The following OCA2 variants were observed in gnomAD, a reference collection of about 807,000 sequenced individuals.
The protein encoded by OCA2 is P protein.
A neutral mutation model predicts 100.2 loss-of-function variants in OCA2; 77 were observed. The ratio of observed to expected loss-of-function variants is 0.77; its 90% CI spans 0.64 to 0.93. OCA2 has a LOEUF of 0.93. Among genes scored for constraint, OCA2 ranks in the 40% least tolerant of loss-of-function variants. OCA2 has a pLI of 0.00. For missense variants in OCA2, 1,062 were observed against 1,089.1 expected (o/e 0.98, Z 0.35); for synonymous variants, 432 against 439.2 (o/e 0.98, Z 0.21).
chr15:27,722,792 C>CTCTCTCTCTCTCTT, the OCA2 span, among the ~76,000 whole-genome samples: 2 of 144,454 alleles, frequency 1.4e-5, no homozygotes, highest in African/African-American at 5.4e-5. Flanking sequence ...CTCTCTCTCT[C>CTCTCTCTCTCTCTT]TCTCTCTCTT....
At chr15:27,831,497 C>T (rs2034956793) in intron 23 of OCA2, among the ~76,000 whole-genome samples, 1 of 152,202 alleles carries the variant, frequency 6.6e-6, no homozygotes, top group South Asian at 2.1e-4. Flanking sequence ...TCAGCCCTCT[C>T]CTCCTGGGAG....
At chr15:27,949,329 C>T (rs993226946) in intron 18 of OCA2, among the ~76,000 whole-genome samples, 1 of 152,178 alleles carries the variant, frequency 6.6e-6, no homozygotes, top group South Asian at 2.1e-4. Flanking sequence ...TATGACATCA[C>T]ATTGAACGAG....
rs981566424 is a variant in OCA2, at chr15:27,755,192, C to T, written c.*196G>A. 5.2e-6 allele frequency: 3 copies of T among 582,460 alleles called. No homozygotes were observed. Among genetic ancestry groups the T allele is most frequent in the African/African-American group, 3.7e-5 (2 of 54,046 alleles). 36.1% of individuals were successfully genotyped at this position (582,460 alleles called of 1,614,324 possible). A position where few individuals can be genotyped will look rare whatever the true frequency, so the allele number is the denominator to read the frequency against. On this transcript the variant is annotated 3_prime_UTR_variant, in exon 24 of 24. Transcript: ENST00000354638. ...ATTTTGTCCTTGGGGAGAAAGGACACACAGAGGAGGTCATGGTGTTCCAAC... is the reference window on the plus strand; with the variant it reads ...ATTTTGTCCTTGGGGAGAAAGGACATACAGAGGAGGTCATGGTGTTCCAAC...
At chr15:27,756,324 T>A (rs565617835) in intron 23 of OCA2, among the ~76,000 whole-genome samples, 2 of 152,280 alleles carry the variant, frequency 1.3e-5, no homozygotes, top group South Asian at 4.1e-4. Context: ...AAGAGGCTAC[T>A]CAGAAAGAGC....
intron 19 of OCA2, among the ~76,000 whole-genome samples, chr15:27,880,593 C>G (rs1459883755): frequency 6.6e-6 from 1 of 152,102 alleles, no homozygotes; most frequent in Non-Finnish European, 1.5e-5. Flanking sequence ...TAGCTGTATT[C>G]CTAGGTTTTT....
chr15:27,913,890 AGAAAGC>A lies in OCA2; in HGVS notation c.2079+12231_2079+12236del, dbSNP rs1567098382. On this transcript the variant is annotated intron_variant, in intron 19 of 23. Coordinates refer to ENST00000354638, the MANE Select transcript of OCA2 (RefSeq NM_000275.3). Reference sequence around the variant, plus strand: ...AAGAAAGAAAGAAAGAAAGAAAGAAAGAAAGCAAGCAAGCAAGCAAGCAAGCAAGCA... The same window carrying A: ...AAGAAAGAAAGAAAGAAAGAAAGAAAAAGCAAGCAAGCAAGCAAGCAAGCA... Among the ~76,000 whole-genome samples, 99 of 52,056 alleles carry A rather than the reference AGAAAGC, an allele frequency of 1.9e-3. 2 individuals are homozygous for A. The highest frequency in any genetic ancestry group is 4.5e-3 in the South Asian group (6 of 1,324). 34.2% of individuals were successfully genotyped at this position (52,056 alleles called of 152,430 possible). A position where few individuals can be genotyped will look rare whatever the true frequency, so the allele number is the denominator to read the frequency against.
chr15:27,905,077 T>C (rs2038120517), intron 19 of OCA2, among the ~76,000 whole-genome samples: 1 of 150,848 alleles, frequency 6.6e-6, no homozygotes, highest in Admixed American at 6.6e-5. Flanking sequence ...GGCAGGAGAA[T>C]TGCTTGAACC....
the OCA2 span, among the ~76,000 whole-genome samples, chr15:27,722,770 T>TTTC: frequency 1.3e-4 from 11 of 82,954 alleles, no homozygotes; most frequent in Admixed American, 6.1e-4. Context: ...CCTTTCTTTC[T>TTTC]TTTCTTTCTT....
In OCA2 at chr15:28,084,011, T is replaced by C. The variant is rs761566953; in HGVS notation, c.-21-2116A>G. ...CAGAGGCTGAAACCCTGCCCTGTAA[T>C]GGGATGGTATTCAGAGGTGGGGTCT... On this transcript the variant is annotated intron_variant, in intron 1 of 23. Transcript: ENST00000354638. Among the ~76,000 whole-genome samples the C allele has an allele frequency of 4.6e-5, 7 of 152,304 alleles. No individual in the cohort carries two copies. The South Asian group carries it at 8.3e-4, about 18-fold the overall frequency.
intron 14 of OCA2, among the ~76,000 whole-genome samples, chr15:27,980,916 C>T (rs527726976): frequency 3.9e-5 from 6 of 152,236 alleles, no homozygotes; most frequent in African/African-American, 1.4e-4. Context: ...GGGTTTATAC[C>T]ATTCATAAAA....
intron 7 of OCA2, among the ~76,000 whole-genome samples, chr15:28,016,727 G>A (rs2042405600): frequency 6.6e-6 from 1 of 152,008 alleles, no homozygotes; most frequent in Admixed American, 6.5e-5. Flanking sequence ...GTTACAGTGA[G>A]CTGAGATCAT....
intron 6 of OCA2, among the ~76,000 whole-genome samples, chr15:28,019,817 G>A (rs2042533898): frequency 6.6e-6 from 1 of 152,146 alleles, no homozygotes; most frequent in Admixed American, 6.5e-5. Context: ...TGGGGGGCAG[G>A]GTCCAGCTGG....
rs182644104 is a variant in OCA2 at position 27,945,264 on chromosome 15, T to A, written c.1951+6520A>T. Among the ~76,000 whole-genome samples, 16 of 152,274 alleles carry A rather than the reference T, an allele frequency of 1.1e-4. 1 individual carries two copies. Among genetic ancestry groups the A allele is most frequent in the Admixed American group, 9.1e-4 (14 of 15,304 alleles). ...CTTGTTCCCGTCCACCTGCTCAGAA[T>A]TTCCTGTGCTAGGAGATGAAAGAAA... On this transcript the variant is annotated intron_variant, in intron 18 of 23. Coordinates refer to ENST00000354638, the MANE Select transcript of OCA2 (RefSeq NM_000275.3).
At chr15:27,919,847 T>C (rs1193475964) in intron 19 of OCA2, among the ~76,000 whole-genome samples, 1 of 152,074 alleles carries the variant, frequency 6.6e-6, no homozygotes, top group Admixed American at 6.6e-5. Context: ...ATGGAGGAAG[T>C]TGATAATGGG....
intron 22 of OCA2, among the ~76,000 whole-genome samples, chr15:27,848,694 G>A (rs1310062080): frequency 6.6e-6 from 1 of 152,220 alleles, no homozygotes; most frequent in Admixed American, 6.5e-5. Flanking sequence ...TAACTCCTGT[G>A]TCTGCAGTAT....
chr15:28,018,158 C>T (rs181308201), intron 7 of OCA2, among the ~76,000 whole-genome samples: 64 of 149,944 alleles, frequency 4.3e-4, no homozygotes, highest in East Asian at 2.9e-3. Context: ...CCCAGCAAAA[C>T]AGTTTTGAAT....
chr15:28,069,374 C>CCCTCTA (rs2044129610), intron 2 of OCA2, among the ~76,000 whole-genome samples: 1 of 17,718 alleles, frequency 5.6e-5, no homozygotes, highest in Admixed American at 5.4e-4. Flanking sequence ...CTCTCCCTCT[C>CCCTCTA]CCTCTCCCTC....
chr15:28,042,516 T>A (rs559073453), intron 2 of OCA2, among the ~76,000 whole-genome samples: 1 of 149,960 alleles, frequency 6.7e-6, no homozygotes, highest in Non-Finnish European at 1.5e-5. Flanking sequence ...GATACACACC[T>A]GTGGTCCCAG....
At chr15:28,069,354 TG>T (rs2044123833) in intron 2 of OCA2, among the ~76,000 whole-genome samples, 1 of 101,004 alleles carries the variant, frequency 9.9e-6, no homozygotes, top group African/African-American at 4.0e-5. Flanking sequence ...ATGAAACACC[TG>T]CCCTCTCCCT....
Sources: allele counts gnomAD v4.1 joint callset (sites outside exome capture counted in the v4.1 genomes callset), GRCh38; gene constraint gnomAD v4.1.1; transcripts MANE v1.5; gene names NCBI Gene and HGNC (gene_info 2026-07-23, HGNC 2026-07-21).